The following ACYP2 variants were observed in gnomAD, a reference collection of about 807,000 sequenced individuals.
ACYP2 encodes the protein acylphosphatase-2.
ACYP2 carries 12 observed loss-of-function variants against 11.2 expected under a neutral mutation model. The observed-to-expected ratio is 1.08, with a 90% CI of 0.69 to 1.74. The LOEUF (loss-of-function observed/expected upper bound fraction) is 1.74, where lower values mean the gene tolerates loss of function less well. Ranked by LOEUF, ACYP2 falls within the 40% of genes most tolerant of loss-of-function variation. The probability of loss-of-function intolerance (pLI) is 0.00; values close to 1 mark genes in which losing one functional copy is unlikely to be tolerated. For missense variants in ACYP2, 134 were observed against 101.9 expected (o/e 1.31, Z -1.35); for synonymous variants, 43 against 32.2 (o/e 1.33, Z -1.13).
intron 4 of ACYP2, among the ~76,000 whole-genome samples, chr2:54,071,976 A>G (rs1462375670): frequency 6.6e-6 from 1 of 152,128 alleles, no homozygotes; most frequent in Admixed American, 6.5e-5. Context: ...GCACCACTGC[A>G]CTCCAGCCTG....
chr2:54,301,327 A>C (rs1352223087), intron 6 of ACYP2, among the ~76,000 whole-genome samples: 2 of 152,168 alleles, frequency 1.3e-5, no homozygotes, highest in Non-Finnish European at 2.9e-5. Context: ...ACTTAGCTCA[A>C]ATGTCATTGC....
chr2:54,112,270 A>G (rs58371916), intron 4 of ACYP2, among the ~76,000 whole-genome samples: 249 of 152,350 alleles, frequency 1.6e-3, no homozygotes, highest in African/African-American at 5.9e-3. Flanking sequence ...GTAGTAACAC[A>G]AAGCCTAGTT....
intron 2 of ACYP2, among the ~76,000 whole-genome samples, chr2:54,040,460 G>C (rs999111254): frequency 6.6e-6 from 1 of 152,078 alleles, no homozygotes; most frequent in East Asian, 1.9e-4. Context: ...GATAGTTCAA[G>C]TCATGAGACT....
intron 2 of ACYP2, chr2:53,975,491 T>G (rs1000180658): frequency 5.2e-6 from 2 of 381,290 alleles, no homozygotes; most frequent in Admixed American, 4.5e-5. Context: ...TCAGTCCAAC[T>G]TGTTATCTCT....
chr2:54,071,403 A>C (rs1677036080), intron 4 of ACYP2, among the ~76,000 whole-genome samples: 1 of 151,650 alleles, frequency 6.6e-6, no homozygotes, highest in Non-Finnish European at 1.5e-5. Flanking sequence ...ATCTACAAAA[A>C]CTCTTAGAGC....
intron 6 of ACYP2, among the ~76,000 whole-genome samples, chr2:54,139,546 G>T (rs925774843): frequency 6.6e-6 from 1 of 152,088 alleles, no homozygotes; most frequent in African/African-American, 2.4e-5. Flanking sequence ...TTAAAAAATA[G>T]CTAACATTTA....
At chr2:54,095,399 A>G (rs189053691) in intron 4 of ACYP2, among the ~76,000 whole-genome samples, 1 of 151,892 alleles carries the variant, frequency 6.6e-6, no homozygotes, top group Non-Finnish European at 1.5e-5. Context: ...GAGCTGTTGG[A>G]CACACCTCCC....
chr2:54,248,646 G>T (rs1027817272), intron 6 of ACYP2, among the ~76,000 whole-genome samples: 1 of 152,096 alleles, frequency 6.6e-6, no homozygotes. Flanking sequence ...TAGATTGTCT[G>T]TCTCCTATGC....
intron 2 of ACYP2, among the ~76,000 whole-genome samples, chr2:54,045,000 T>C (rs767515287): frequency 1.3e-5 from 2 of 152,238 alleles, no homozygotes; most frequent in Non-Finnish European, 2.9e-5. Flanking sequence ...TAGAATTTCA[T>C]AGATCCTGTT....
At chr2:54,065,509 C>T in intron 4 of ACYP2, 1 of 398,590 alleles carries the variant, frequency 2.5e-6, no homozygotes, top group Non-Finnish European at 4.4e-6. Flanking sequence ...TATCCCTGAT[C>T]AGGGAAAATG....
chr2:54,226,666 G>A (rs1032164324), intron 6 of ACYP2, among the ~76,000 whole-genome samples: 9 of 152,170 alleles, frequency 5.9e-5, no homozygotes, highest in African/African-American at 2.2e-4. Flanking sequence ...CCTGGGAATG[G>A]AACATGTAGT....
chr2:54,181,945 G>GGACC (rs930001410), intron 6 of ACYP2, among the ~76,000 whole-genome samples: 13 of 151,612 alleles, frequency 8.6e-5, no homozygotes, highest in Admixed American at 3.9e-4. Context: ...AAAATCTGAT[G>GGACC]GACCCTCTCT....
At chr2:54,253,692 G>A (rs1340296257) in intron 6 of ACYP2, 1 of 152,124 alleles carries the variant, frequency 6.6e-6, no homozygotes, top group Non-Finnish European at 1.5e-5. Context: ...TCCCTGCCTA[G>A]AGCACCCATC....
intron 2 of ACYP2, among the ~76,000 whole-genome samples, chr2:54,045,141 C>T (rs562744977): frequency 7.2e-5 from 11 of 152,168 alleles, no homozygotes; most frequent in Admixed American, 5.2e-4. Context: ...CTGGTCTGAA[C>T]GACCCCAAAA....
At chr2:54,102,638 CAAAA>C (rs58842257) in intron 4 of ACYP2, among the ~76,000 whole-genome samples, 38 of 83,304 alleles carry the variant, frequency 4.6e-4, no homozygotes, top group African/African-American at 2.0e-3. Context: ...TGGCTTAAGC[CAAAA>C]AAAAAAAAAA....
At chr2:54,184,532 C>G (rs1042590588) in intron 6 of ACYP2, among the ~76,000 whole-genome samples, 14 of 151,854 alleles carry the variant, frequency 9.2e-5, no homozygotes, top group African/African-American at 3.4e-4. Context: ...GAAAAAAATC[C>G]TAAATCATAC....
intron 4 of ACYP2, among the ~76,000 whole-genome samples, chr2:54,128,410 G>A (rs1291881679): frequency 6.6e-6 from 1 of 151,912 alleles, no homozygotes; most frequent in Non-Finnish European, 1.5e-5. Context: ...GCTCATGCTT[G>A]TAATCCCAGT....
intron 4 of ACYP2, among the ~76,000 whole-genome samples, chr2:54,105,061 A>T (rs528070382): frequency 5.3e-5 from 8 of 152,246 alleles, no homozygotes; most frequent in African/African-American, 1.9e-4. Flanking sequence ...ATGTTTTTTG[A>T]ATACTATTTT....
chr2:54,018,640 C>G (rs1439939478), intron 2 of ACYP2, among the ~76,000 whole-genome samples: 1 of 152,038 alleles, frequency 6.6e-6, no homozygotes, highest in Non-Finnish European at 1.5e-5. Flanking sequence ...TAGCGGGACC[C>G]CTTCTTTACA....
Sources: allele counts gnomAD v4.1 joint callset (sites outside exome capture counted in the v4.1 genomes callset), GRCh38; gene constraint gnomAD v4.1.1; transcripts MANE v1.5; gene names NCBI Gene and HGNC (gene_info 2026-07-23, HGNC 2026-07-21).